WNK2: variants seen among roughly 807,000 people sequenced by gnomAD.
The protein encoded by WNK2 is serine/threonine-protein kinase WNK2.
In WNK2, 67 loss-of-function variants were observed where a neutral mutation model predicts 192.1. That is an observed-to-expected ratio of 0.35 (90% CI 0.29 to 0.43). The LOEUF (loss-of-function observed/expected upper bound fraction) is 0.43, where lower values mean the gene tolerates loss of function less well. WNK2 is among the 20% of genes least tolerant of loss of function. The pLI, the probability that WNK2 is intolerant of heterozygous loss-of-function variation, is 1.00. For missense variants in WNK2, 2,698 were observed against 3,089.7 expected, an observed-to-expected ratio of 0.87 and a Z score of 3.01; for synonymous variants, 1,439 against 1,393.9, an observed-to-expected ratio of 1.03 and a Z score of -0.72.
Position 93,257,615 on chromosome 9 carries a change from G to A in WNK2, c.2382+476G>A, listed in dbSNP as rs972833920. On this transcript the variant is annotated intron_variant, in intron 11 of 29. Transcript: ENST00000427277. This position sits in a 1 kb window ranked among gnomAD's most constrained non-coding sequence, Gnocchi z 4.7. ...AAGGTCGTGGACAGTCCTTGAAGTG[G>A]TTGCTGGGTTGGCACAGAAAGCAGG... Among the ~76,000 whole-genome samples the A allele has an allele frequency of 6.6e-6, 1 of 152,232 alleles. No homozygotes were observed. Among genetic ancestry groups the A allele is most frequent in the African/African-American group, 2.4e-5 (1 of 41,454 alleles).
intron 19 of WNK2, among the ~76,000 whole-genome samples, chr9:93,278,048 A>G (rs1439097686): frequency 6.6e-6 from 1 of 152,176 alleles, no homozygotes; most frequent in African/African-American, 2.4e-5. Context: ...TTATATAACA[A>G]TGTTTTTTTC....
At position 93,256,386 on chromosome 9, in the gene WNK2, C is replaced by T; in HGVS notation, c.2122C>T (p.Pro708Ser). The change falls in exon 10 of 30, where the codon CCC becomes TCC. Residue 708 changes from proline (P) to serine (S), a missense_variant. Physicochemically the swap from Pro to Ser is moderately conservative, Grantham distance 74 (BLOSUM62 -1). Around this residue, in one of 7 missense-constraint regions of WNK2, gnomAD observed 893 missense variants for 909.0 expected, o/e 0.98. Transcript: ENST00000427277. ...CCCGGATCCGGCCATGAGCTTCGCC[C>T]CCGTGCTGCCGCCGCCCAGCACCCC... The part of the protein sequence containing the change: ...HFPDPAMSFA[P>S]VLPPPSTPMP... 1 of 1,559,984 alleles carries T rather than the reference C, an allele frequency of 6.4e-7. No homozygotes were observed.
At chr9:93,263,494 G>A in intron 14 of WNK2, 72 bp from the exon 15 acceptor site, 2 of 1,557,292 alleles carry the variant, frequency 1.3e-6, no homozygotes, top group Non-Finnish European at 1.7e-6. Context: ...TTCCAGATAA[G>A]CTGACTTTCC....
chr9:93,320,100 G>A (rs1186058422), intron 29 of WNK2, among the ~76,000 whole-genome samples: 1 of 152,226 alleles, frequency 6.6e-6, no homozygotes, highest in East Asian at 1.9e-4. Context: ...CTCCCCAGAT[G>A]CTCCAGACGG....
chr9:93,305,390 A>T (rs1291725321), intron 26 of WNK2, among the ~76,000 whole-genome samples: 1 of 152,290 alleles, frequency 6.6e-6, no homozygotes, highest in Non-Finnish European at 1.5e-5. Flanking sequence ...CATTGAGGGG[A>T]TATCAGCTCT....
chr9:93,247,651 C>A lies in WNK2; in HGVS notation c.1651C>A (p.Gln551Lys). 6.3e-7 allele frequency: 1 copy of A among 1,584,548 alleles called. No individual in the cohort carries two copies. Among genetic ancestry groups the A allele is most frequent in the Admixed American group, 1.8e-5 (1 of 55,836 alleles). The change falls in exon 8 of 30, where the codon CAG becomes AAG. Residue 551 changes from glutamine (Q) to lysine (K), a missense_variant. Gln to Lys is a moderately conservative substitution (Grantham distance 53, BLOSUM62 1). This residue lies in a region of WNK2 where 893 missense variants were observed against 909.0 expected (regional missense o/e 0.98). Transcript: ENST00000427277. The surrounding 1 kb of genome is among the most constrained non-coding windows in gnomAD (Gnocchi z 5.2). ...WRRERIWPAL[Q>K]PKEQQDVGSP... ...GCGGGAGAGGATCTGGCCCGCGCTG[C>A]AGCCCAAGGAGCAGCAGGATGTGGG...
intron 2 of WNK2, among the ~76,000 whole-genome samples, chr9:93,223,099 G>C (rs1484217862): frequency 9.2e-5 from 14 of 152,256 alleles, no homozygotes; most frequent in Non-Finnish European, 1.9e-4. Context: ...TTTAAAGGAA[G>C]TGAGTTTGTT....
In WNK2 at chr9:93,274,515, CAA is replaced by C. The variant is rs67350876; in HGVS notation, c.4033+5791_4033+5792del. On this transcript the variant is annotated intron_variant, in intron 19 of 29. Coordinates refer to ENST00000427277, the MANE Select transcript of WNK2 (RefSeq NM_006648.4). ...CAACAGTGCAAGGCTCCGTCTCAAC[CAA>C]AAAAAAAAAAAAAAAAAAAAAGAAA... Among the ~76,000 whole-genome samples the C allele has an allele frequency of 4.9e-3, 582 of 118,392 alleles. 7 individuals carry two copies. Among genetic ancestry groups the C allele is most frequent in the African/African-American group, 0.017 (502 of 29,566 alleles). The allele number at this position is 118,392 out of a possible 152,430, so 77.7% of individuals were successfully genotyped here. A position where few individuals can be genotyped will look rare whatever the true frequency, so the allele number is the denominator to read the frequency against.
intron 9 of WNK2, among the ~76,000 whole-genome samples, chr9:93,256,086 G>C (rs751078999): frequency 1.3e-5 from 2 of 152,156 alleles, no homozygotes; most frequent in Non-Finnish European, 2.9e-5. Flanking sequence ...ATGTGCCCGG[G>C]CACCCCTGGG....
chr9:93,300,210 C>G (rs74338822), intron 26 of WNK2, 61 bp downstream of exon 26: 1 of 1,361,034 alleles, frequency 7.3e-7, no homozygotes, highest in East Asian at 2.3e-5. Flanking sequence ...CCCCCCACCC[C>G]CTCCCTGTCT....
At chr9:93,207,572 A>C (rs1833623457) in intron 2 of WNK2, among the ~76,000 whole-genome samples, 1 of 152,244 alleles carries the variant, frequency 6.6e-6, no homozygotes, top group Non-Finnish European at 1.5e-5. Context: ...TTCTGTCTCC[A>C]GTGAGTGTAT....
At chr9:93,224,306 A>G (rs1296908316) in intron 2 of WNK2, among the ~76,000 whole-genome samples, 2 of 152,186 alleles carry the variant, frequency 1.3e-5, no homozygotes, top group Non-Finnish European at 2.9e-5. Context: ...TAGGTCTGAC[A>G]TCTCCAACCG....
intron 26 of WNK2, among the ~76,000 whole-genome samples, chr9:93,304,698 C>T (rs762334613): frequency 1.3e-5 from 2 of 152,240 alleles, no homozygotes; most frequent in Non-Finnish European, 2.9e-5. Context: ...AGGGGCAGGG[C>T]CCAATCGAGG....
chr9:93,209,392 G>A (rs941932003), intron 2 of WNK2, among the ~76,000 whole-genome samples: 2 of 152,168 alleles, frequency 1.3e-5, no homozygotes, highest in Non-Finnish European at 2.9e-5. Flanking sequence ...TCTCCATTGG[G>A]GTGACACATG....
intron 5 of WNK2, among the ~76,000 whole-genome samples, chr9:93,235,952 A>C (rs758283654): frequency 2.0e-4 from 30 of 152,122 alleles, no homozygotes; most frequent in Admixed American, 4.6e-4. Flanking sequence ...ATCATCGGTC[A>C]CTTGGTTGTT....
intron 19 of WNK2, among the ~76,000 whole-genome samples, chr9:93,274,295 G>A (rs910904272): frequency 1.3e-5 from 2 of 152,132 alleles, no homozygotes; most frequent in Admixed American, 1.3e-4. Context: ...GGTGGATCAC[G>A]ACGTCAGGAG....
chr9:93,256,600 A>T (rs1843333055), intron 10 of WNK2, 146 bp downstream of exon 10: 1 of 995,888 alleles, frequency 1.0e-6, no homozygotes, highest in African/African-American at 1.7e-5. Flanking sequence ...TGCCTGAGGG[A>T]TGGGAGTGAC....
At chr9:93,225,329 G>C (rs1210648408) in intron 2 of WNK2, among the ~76,000 whole-genome samples, 2 of 152,180 alleles carry the variant, frequency 1.3e-5, no homozygotes, top group Non-Finnish European at 2.9e-5. Context: ...CCAGGAAATT[G>C]AGGCTGCAGT....
At chr9:93,254,386 G>A (rs904060559) in intron 9 of WNK2, among the ~76,000 whole-genome samples, 2 of 152,194 alleles carry the variant, frequency 1.3e-5, no homozygotes, top group South Asian at 2.1e-4. Context: ...CACACTCAGC[G>A]CTGTGGCCCG....
Sources: gnomAD v4.1 joint callset for allele counts (sites outside exome capture counted in the v4.1 genomes callset) on GRCh38, gnomAD v4.1.1 for gene constraint, gnomAD v4.1.1 regional missense constraint, Gnocchi (gnomAD v3.1) non-coding constraint, MANE v1.5 for transcripts, NCBI Gene and HGNC (gene_info 2026-07-23, HGNC 2026-07-21) for gene names.